The following SETX variants were observed in gnomAD, a reference collection of about 807,000 sequenced individuals.
SETX encodes helicase senataxin.
In SETX, 90 loss-of-function variants were observed where a neutral mutation model predicts 227.2. The ratio of observed to expected loss-of-function variants is 0.40; its 90% CI spans 0.33 to 0.47. The LOEUF (loss-of-function observed/expected upper bound fraction) is 0.47. Among genes scored for constraint, SETX ranks in the 20% least tolerant of loss-of-function variants. The pLI is 0.91. For missense variants in SETX, 3,052 were observed against 3,181.5 expected (o/e 0.96, Z 0.98); for synonymous variants, 1,210 against 1,113.2 (o/e 1.09, Z -1.73).
At chr9:132,277,934 TATAAC>T in intron 21 of SETX, 131 bp downstream of exon 21, 1 of 866,934 alleles carries the variant, frequency 1.2e-6, no homozygotes. Context: ...TGATGGCTAT[TATAAC>T]AGGACAAAAT....
chr9:132,275,154 TG>T (rs1843091895), intron 23 of SETX, 101 bp downstream of exon 23: 6 of 1,304,744 alleles, frequency 4.6e-6, no homozygotes, highest in Non-Finnish European at 6.6e-6. Flanking sequence ...ATCACCAATT[TG>T]CACAGACCAC....
intron 20 of SETX, among the ~76,000 whole-genome samples, chr9:132,279,512 G>GT (rs1843372763): frequency 6.6e-6 from 1 of 152,224 alleles, no homozygotes; most frequent in Non-Finnish European, 1.5e-5. Context: ...CATGAGTGAT[G>GT]TGAAAGATAC....
chr9:132,309,028 C>A (rs1025047491), intron 11 of SETX, among the ~76,000 whole-genome samples: 1 of 152,104 alleles, frequency 6.6e-6, no homozygotes, highest in African/African-American at 2.4e-5. Flanking sequence ...GTCCTAGCTA[C>A]TCGGGAGGTT....
At chr9:132,313,911 T>G (rs1319563447) in intron 10 of SETX, among the ~76,000 whole-genome samples, 3 of 138,964 alleles carry the variant, frequency 2.2e-5, no homozygotes, top group African/African-American at 8.8e-5. Context: ...ATATACAATG[T>G]GGCCTTCCAA....
chr9:132,339,918 T>A (rs1847858280), intron 5 of SETX, among the ~76,000 whole-genome samples: 1 of 152,162 alleles, frequency 6.6e-6, no homozygotes, highest in Admixed American at 6.6e-5. Context: ...CCCAGCCATA[T>A]CTCCGGTATT....
At chr9:132,325,561 T>C (rs144418543) in intron 10 of SETX, among the ~76,000 whole-genome samples, 1 of 152,284 alleles carries the variant, frequency 6.6e-6, no homozygotes, top group Non-Finnish European at 1.5e-5. Flanking sequence ...CGTGCGTCAA[T>C]AAACATTTCC....
chr9:132,284,789 T>C (rs10793910), intron 18 of SETX, among the ~76,000 whole-genome samples: 17,696 of 152,188 alleles, frequency 0.12, 1,998 homozygotes, highest in African/African-American at 0.3. Flanking sequence ...GTTGGAGCTC[T>C]GGAGGGCTCA....
At chr9:132,326,273 A>G (rs747638389) in intron 10 of SETX, 51 bp downstream of exon 10, 1 of 1,356,956 alleles carries the variant, frequency 7.4e-7, no homozygotes, top group East Asian at 2.4e-5. Flanking sequence ...AGCAAGGTAA[A>G]GAGGTAACTT....
upstream of SETX, among the ~76,000 whole-genome samples, chr9:132,356,535 A>T (rs1324583455): frequency 6.6e-6 from 1 of 152,138 alleles, no homozygotes; most frequent in Non-Finnish European, 1.5e-5. Flanking sequence ...ACTACTGACC[A>T]CGATGATGCA....
intron 10 of SETX, among the ~76,000 whole-genome samples, chr9:132,321,518 A>G (rs992845805): frequency 1.3e-5 from 2 of 152,090 alleles, no homozygotes; most frequent in African/African-American, 2.4e-5. Flanking sequence ...TTAGCCAGGC[A>G]TGGTGGCAGG....
intron 15 of SETX, among the ~76,000 whole-genome samples, chr9:132,290,757 G>T (rs1031869145): frequency 6.6e-6 from 1 of 151,970 alleles, no homozygotes; most frequent in African/African-American, 2.4e-5. Flanking sequence ...TTAGCCAGGC[G>T]TGGTGGCCTC....
At chr9:132,355,167 G>A (rs1848847921), upstream of SETX, among the ~76,000 whole-genome samples, 1 of 152,106 alleles carries the variant, frequency 6.6e-6, no homozygotes, top group Non-Finnish European at 1.5e-5. Flanking sequence ...CTGGCGTCAC[G>A]TCCGGGCAGC....
rs377667448 is a variant in SETX at position 132,329,326 on chromosome 9, C to T, written c.2272G>A (p.Val758Met). ...TDSSTDALEK[V>M]STSNEDFSLK... is the part of the protein sequence containing the mutation. Reference sequence around the variant, plus strand: ...GAGAAATCTTCATTCGATGTGGACACTTTTTCCAAAGCATCAGTGCTAGAA... The same window carrying T: ...GAGAAATCTTCATTCGATGTGGACATTTTTTCCAAAGCATCAGTGCTAGAA... The change falls in exon 10 of 26, where the codon GTG becomes ATG. Residue 758 changes from valine (V) to methionine (M), a missense_variant. Physicochemically the swap from Val to Met is conservative, Grantham distance 21. Coordinates refer to ENST00000224140, the MANE Select transcript of SETX (RefSeq NM_015046.7). 1 of 1,613,756 alleles carries T rather than the reference C, an allele frequency of 6.2e-7. No homozygotes were observed. Among genetic ancestry groups the T allele is most frequent in the African/African-American group, 1.3e-5 (1 of 74,910 alleles).
chr9:132,328,593 T>C lies in SETX; in HGVS notation c.3005A>G (p.Gln1002Arg), dbSNP rs1847009080. 1 of 1,613,752 alleles carries C rather than the reference T, an allele frequency of 6.2e-7. No individual in the cohort carries two copies. Among genetic ancestry groups the C allele is most frequent in the Non-Finnish European group, 8.5e-7 (1 of 1,179,934 alleles). Reference protein sequence around the residue: ...KEDKRCFTANQNNVGDTSRGQ... With the variant: ...KEDKRCFTANRNNVGDTSRGQ... ...ACGGGAGGTATCTCCAACATTATTTTGGTTAGCTGTGAAACATCTTTTATC... is the reference window on the plus strand; with the variant it reads ...ACGGGAGGTATCTCCAACATTATTTCGGTTAGCTGTGAAACATCTTTTATC... Residue 1002 changes from glutamine (Q) to arginine (R), a missense_variant, in exon 10 of 26, where the codon CAA (glutamine) becomes CGA (arginine). By Grantham distance (43) the Gln-to-Arg change is conservative. This residue lies in a region of SETX where 1,483 missense variants were observed against 1,312.0 expected (regional missense o/e 1.13). Coordinates refer to ENST00000224140, the MANE Select transcript of SETX (RefSeq NM_015046.7).
rs773314169 is a variant in SETX, at chr9:132,278,156, T to C, written c.6756A>G (p.Leu2252=). ...EHNMISRLPI[L]QLTVQYRMHP... is the part of the protein sequence containing the mutation. ...GCATCCTGTACTGAACAGTGAGCTGTAGAATGGGCAGCCTGCTGATCATGT... is the reference window on the plus strand; with the variant it reads ...GCATCCTGTACTGAACAGTGAGCTGCAGAATGGGCAGCCTGCTGATCATGT... Residue 2252 remains leucine (L), a synonymous_variant, in exon 21 of 26, where the codon CTA becomes CTG. Coordinates refer to ENST00000224140, the MANE Select transcript of SETX (RefSeq NM_015046.7). The C allele has an allele frequency of 9.3e-6, 15 of 1,614,150 alleles. No homozygotes were observed. The highest frequency in any genetic ancestry group is 3.3e-4 in the Middle Eastern group (2 of 6,062).
intron 15 of SETX, 91 bp from the exon 16 acceptor site, chr9:132,288,742 G>A: frequency 1.1e-6 from 1 of 879,434 alleles, no homozygotes; most frequent in Non-Finnish European, 1.9e-6. Context: ...AAGTAAATAT[G>A]TTAATAATCA....
chr9:132,353,832 C>T (rs1848731225), intron 1 of SETX, 77 bp from the exon 2 acceptor site: 1 of 152,180 alleles, frequency 6.6e-6, no homozygotes, highest in Admixed American at 6.5e-5. Context: ...GGTATCGATC[C>T]TATTACAGAC....
intron 10 of SETX, among the ~76,000 whole-genome samples, chr9:132,317,005 ATTTAT>A (rs1309305730): frequency 6.6e-6 from 1 of 152,260 alleles, no homozygotes; most frequent in Non-Finnish European, 1.5e-5. Context: ...ACTACATCAA[ATTTAT>A]AAATGAATTC....
At chr9:132,282,978 G>A (rs1432848539) in intron 19 of SETX, 2 of 442,312 alleles carry the variant, frequency 4.5e-6, no homozygotes, top group Non-Finnish European at 8.4e-6. Context: ...ACTTCAAAAG[G>A]TTACCAGAGA....
Sources: gnomAD v4.1 joint callset for allele counts (sites outside exome capture counted in the v4.1 genomes callset) on GRCh38, gnomAD v4.1.1 for gene constraint, gnomAD v4.1.1 regional missense constraint, MANE v1.5 for transcripts, NCBI Gene and HGNC (gene_info 2026-07-23, HGNC 2026-07-21) for gene names.